BLNK: variants seen among roughly 807,000 people sequenced by gnomAD.
BLNK encodes B-cell linker protein.
BLNK carries 29 observed loss-of-function variants against 73.5 expected under a neutral mutation model. That is an observed-to-expected ratio of 0.39 (90% confidence interval 0.29 to 0.54). The LOEUF (loss-of-function observed/expected upper bound fraction) is 0.54. Ranked by LOEUF, BLNK falls within the 20% of genes least tolerant of loss-of-function variation. The pLI, the probability that BLNK is intolerant of heterozygous loss-of-function variation, is 0.61. For synonymous variants in BLNK, 176 were observed against 200.8 expected, an observed-to-expected ratio of 0.88 and a Z score of 1.04; for missense variants, 460 against 562.8, an observed-to-expected ratio of 0.82 and a Z score of 1.85.
chr10:96,194,331 GT>G (rs1286507263), intron 16 of BLNK, among the ~76,000 whole-genome samples: 6 of 152,162 alleles, frequency 3.9e-5, no homozygotes, highest in Non-Finnish European at 5.9e-5. Flanking sequence ...AGATTCAAGA[GT>G]TTTGCATTTT....
intron 3 of BLNK, among the ~76,000 whole-genome samples, chr10:96,235,997 C>G (rs1554905004): frequency 6.6e-6 from 1 of 151,882 alleles, no homozygotes; most frequent in Non-Finnish European, 1.5e-5. Flanking sequence ...GGAACTCAGG[C>G]ATGGAAAGAC....
At chr10:96,251,089 A>T (rs982002691) in intron 1 of BLNK, among the ~76,000 whole-genome samples, 15 of 152,246 alleles carry the variant, frequency 9.9e-5, no homozygotes, top group African/African-American at 3.6e-4. Context: ...ATAGTTAACT[A>T]TAGTCACCCT....
At chr10:96,249,811 T>C (rs1451202582) in intron 1 of BLNK, among the ~76,000 whole-genome samples, 2 of 152,232 alleles carry the variant, frequency 1.3e-5, no homozygotes, top group Non-Finnish European at 2.9e-5. Flanking sequence ...CCCTCTCTGC[T>C]GTCCCTGAAT....
At chr10:96,220,335 A>G (rs1554900817) in intron 6 of BLNK, among the ~76,000 whole-genome samples, 1 of 152,174 alleles carries the variant, frequency 6.6e-6, no homozygotes. Flanking sequence ...CCAGACAACG[A>G]TGCCACTTCA....
At chr10:96,197,142 A>C in intron 15 of BLNK, 79 bp from the exon 16 acceptor site, 1 of 1,120,206 alleles carries the variant, frequency 8.9e-7, no homozygotes, top group Non-Finnish European at 1.3e-6. Flanking sequence ...CATTTTGTGA[A>C]GAACACCTAT....
At chr10:96,228,804 C>T (rs587637573) in intron 4 of BLNK, among the ~76,000 whole-genome samples, 15 of 152,298 alleles carry the variant, frequency 9.8e-5, no homozygotes, top group Admixed American at 6.5e-4. Context: ...GGTCCTCTGG[C>T]CTCTGTGTCC....
chr10:96,271,323 A>G, intron 1 of BLNK, 29 bp downstream of exon 1: 1 of 1,611,130 alleles, frequency 6.2e-7, no homozygotes, highest in Non-Finnish European at 8.5e-7. Context: ...AAGGAGATGA[A>G]GAAGGGTATT....
At chr10:96,260,872 C>G (rs1368348104) in intron 1 of BLNK, among the ~76,000 whole-genome samples, 1 of 150,536 alleles carries the variant, frequency 6.6e-6, no homozygotes, top group Non-Finnish European at 1.5e-5. Flanking sequence ...GAGACAGGGT[C>G]TCACTCTGTC....
chr10:96,223,351 G>A (rs587690377), intron 6 of BLNK, among the ~76,000 whole-genome samples: 1 of 152,140 alleles, frequency 6.6e-6, no homozygotes, highest in Non-Finnish European at 1.5e-5. Flanking sequence ...CTCTCAAGTC[G>A]TCCGCTTGGC....
intron 1 of BLNK, among the ~76,000 whole-genome samples, chr10:96,254,079 G>A (rs1198067965): frequency 6.6e-6 from 1 of 151,700 alleles, no homozygotes; most frequent in Middle Eastern, 3.4e-3. Context: ...GATTAGGCCA[G>A]GTTTATCCCC....
intron 1 of BLNK, among the ~76,000 whole-genome samples, chr10:96,257,122 T>A (rs1843551223): frequency 2.6e-5 from 4 of 152,106 alleles, no homozygotes; most frequent in Admixed American, 2.6e-4. Context: ...GTCTGAGATG[T>A]TTCGGGTCCA....
intron 11 of BLNK, chr10:96,205,302 T>G (rs1342184159): frequency 6.5e-6 from 1 of 152,686 alleles, no homozygotes; most frequent in Non-Finnish European, 1.5e-5. Context: ...TACTTTACTC[T>G]CCCTCAAATT....
rs1052584278 is a variant in BLNK, at chr10:96,233,633, A to T, written c.164-2799T>A. Among the ~76,000 whole-genome samples, 5 of 152,124 alleles carry T rather than the reference A, an allele frequency of 3.3e-5. No homozygotes were observed. In the East Asian group the frequency reaches 9.6e-4, roughly 29 times the overall value. ...TCCTGCAGCCCATCTTCTTTCTTCC[A>T]TGGAAATCCCTATCACTCCTCCTCC... On this transcript the variant is annotated intron_variant, in intron 3 of 16. Transcript: ENST00000224337.
chr10:96,265,893 A>T (rs1843976222), intron 1 of BLNK, among the ~76,000 whole-genome samples: 1 of 152,238 alleles, frequency 6.6e-6, no homozygotes, highest in South Asian at 2.1e-4. Flanking sequence ...GGGACTAACT[A>T]CTAGTGTCTG....
intron 5 of BLNK, among the ~76,000 whole-genome samples, chr10:96,227,140 G>GTTGTTTGT (rs3841593): frequency 9.9e-5 from 15 of 151,218 alleles, no homozygotes; most frequent in African/African-American, 3.4e-4. Context: ...TGCTGGGTTT[G>GTTGTTTGT]TTGTTTGTTT....
intron 7 of BLNK, 117 bp downstream of exon 7, chr10:96,216,536 G>T: frequency 1.1e-6 from 1 of 871,702 alleles, no homozygotes; most frequent in Non-Finnish European, 1.9e-6. Flanking sequence ...TGTGGCCCAG[G>T]GGAGAAAGTC....
chr10:96,192,148 TC>T, intron 16 of BLNK, 56 bp from the exon 17 acceptor site: 1 of 1,602,400 alleles, frequency 6.2e-7, no homozygotes, highest in Non-Finnish European at 8.5e-7. Context: ...AAATTTGAGC[TC>T]CACTCCTCCC....
intron 16 of BLNK, 72 bp downstream of exon 16, chr10:96,196,836 T>A: frequency 6.9e-7 from 1 of 1,448,494 alleles, no homozygotes; most frequent in Non-Finnish European, 9.7e-7. Context: ...ATCTCTAGCA[T>A]CTAATACAGT....
At chr10:96,226,483 T>C (rs1227738926) in intron 5 of BLNK, among the ~76,000 whole-genome samples, 8 of 152,140 alleles carry the variant, frequency 5.3e-5, no homozygotes, top group African/African-American at 1.9e-4. Flanking sequence ...ACAGACATAC[T>C]TGCTCTCTGA....
Sources: gnomAD v4.1 joint callset for allele counts (sites outside exome capture counted in the v4.1 genomes callset) on GRCh38, gnomAD v4.1.1 for gene constraint, MANE v1.5 for transcripts, NCBI Gene and HGNC (gene_info 2026-07-23, HGNC 2026-07-21) for gene names.